The following ATP11A variants were observed in gnomAD, a reference collection of about 807,000 sequenced individuals.
ATP11A encodes ATPase phospholipid transporting 11A, also known as phospholipid-transporting ATPase IH.
A neutral mutation model predicts 154.4 loss-of-function variants in ATP11A; 81 were observed. That is an observed-to-expected ratio of 0.52 (90% CI 0.44 to 0.63). The LOEUF is 0.63. Among genes scored for constraint, ATP11A ranks in the 30% least tolerant of loss-of-function variants. The probability of loss-of-function intolerance (pLI) is 0.00; values close to 1 mark genes in which losing one functional copy is unlikely to be tolerated. For missense variants in ATP11A, 1,316 were observed against 1,474.3 expected (o/e 0.89, Z 1.76); for synonymous variants, 623 against 585.9 (o/e 1.06, Z -0.91).
At chr13:112,777,145 C>CTGCCA in intron 1 of ATP11A, among the ~76,000 whole-genome samples, 1 of 151,830 alleles carries the variant, frequency 6.6e-6, no homozygotes, top group African/African-American at 2.4e-5. Flanking sequence ...GAAAGCCACA[C>CTGCCA]TGCCAGGCAC....
Position 112,859,557 on chromosome 13 carries a change from C to T in ATP11A, c.2727+105C>T, listed in dbSNP as rs953022125. On this transcript the variant is annotated intron_variant, in intron 23 of 29. Coordinates refer to ENST00000375645, the MANE Select transcript of ATP11A (RefSeq NM_015205.3). The surrounding 1 kb of genome is among the most constrained non-coding windows in gnomAD (Gnocchi z 4.3). ...AGACTTGGGAATGAGCAGCACTCCC[C>T]GGCACCACGAGGGAGCCAGGGTGCC... 3.1e-5 allele frequency: 31 copies of T among 988,840 alleles called. No individual in the cohort carries two copies. The highest frequency in any genetic ancestry group is 1.1e-4 in the African/African-American group (7 of 62,078). 61.3% of individuals were successfully genotyped at this position (988,840 alleles called of 1,614,324 possible).
In ATP11A at chr13:112,766,154, C is replaced by T. The variant is rs146135445; in HGVS notation, c.40-18981C>T. The stretch of plus-strand genomic sequence containing the variant: ...TGTGCCCACCTGCTTGAGGAAGGAA[C>T]GGTGGTGGAGACGGACTTCTTATTC... On this transcript the variant is annotated intron_variant, in intron 1 of 29. Transcript: ENST00000375645. Among the ~76,000 whole-genome samples the T allele has an allele frequency of 2.2e-3, 339 of 152,134 alleles. 1 individual carries two copies. Among genetic ancestry groups the T allele is most frequent in the African/African-American group, 7.3e-3 (303 of 41,496 alleles).
chr13:112,882,414 C>T lies in ATP11A; in HGVS notation c.*548C>T. 2 of 423,658 alleles carry T rather than the reference C, an allele frequency of 4.7e-6. No homozygotes were observed. Among genetic ancestry groups the T allele is most frequent in the Non-Finnish European group, 8.7e-6 (2 of 230,824 alleles). 26.2% of individuals were successfully genotyped at this position (423,658 alleles called of 1,614,324 possible). A position where few individuals can be genotyped will look rare whatever the true frequency, so the allele number is the denominator to read the frequency against. On this transcript the variant is annotated 3_prime_UTR_variant, in exon 30 of 30. Transcript: ENST00000375645. This position sits in a 1 kb window ranked among gnomAD's most constrained non-coding sequence, Gnocchi z 5.1. ...CTGCTGTTTCCTGCTTGCCCGGCCA[C>T]CACCCATGCCCTCCATAGGGTGAGG...
rs368005104 is a variant in ATP11A at position 112,864,666 on chromosome 13, C to T, written c.2991+2091C>T. 3.3e-5 allele frequency among the ~76,000 whole-genome samples: 2 copies of T among 60,946 alleles called. 1 individual carries two copies. The highest frequency in any genetic ancestry group is 5.2e-5 in the Non-Finnish European group (2 of 38,354). 40.0% of individuals were successfully genotyped at this position (60,946 alleles called of 152,430 possible). On this transcript the variant is annotated intron_variant, in intron 25 of 29. Coordinates refer to ENST00000375645, the MANE Select transcript of ATP11A (RefSeq NM_015205.3). ...TCACCACATGGGCAGTAATTCAGTG[C>T]GGCCCATGCAGCTTCCCAGCGGGGT...
intron 27 of ATP11A, among the ~76,000 whole-genome samples, chr13:112,874,630 ACCTG>A (rs1345313808): frequency 1.3e-4 from 20 of 151,916 alleles, no homozygotes; most frequent in Non-Finnish European, 2.8e-4. Flanking sequence ...AGGGCCCCTG[ACCTG>A]GGCGGGACTC....
At chr13:112,823,093 G>A (rs1040195596) in intron 8 of ATP11A, among the ~76,000 whole-genome samples, 7 of 152,196 alleles carry the variant, frequency 4.6e-5, no homozygotes, top group African/African-American at 1.4e-4. Context: ...CTGAGGTCCC[G>A]CATGCGCCAA....
At chr13:112,846,559 G>A (rs1358631596) in intron 17 of ATP11A, among the ~76,000 whole-genome samples, 2 of 152,140 alleles carry the variant, frequency 1.3e-5, no homozygotes, top group Admixed American at 6.5e-5. Flanking sequence ...CTAACGGATG[G>A]GACGTGTGTG....
Position 112,854,519 on chromosome 13 carries a change from C to A in ATP11A, c.2232C>A (p.Asp744Glu). ...GCCACAGCGGGAGCCTGACCAGAGA[C>A]AACCTGTCCGGGTAGGCAGCGCGTC... The part of the protein sequence containing the change: ...VLRHSGSLTR[D>E]NLSGLSADMQ... Residue 744 changes from aspartate (D) to glutamate (E), a missense_variant, in exon 19 of 30, where the codon GAC becomes GAA. By Grantham distance (45) the Asp-to-Glu change is conservative. Around this residue, in one of 5 missense-constraint regions of ATP11A, gnomAD observed 876 missense variants for 1,006.8 expected, o/e 0.87. Coordinates refer to ENST00000375645, the MANE Select transcript of ATP11A (RefSeq NM_015205.3). 3.7e-6 allele frequency: 6 copies of A among 1,610,152 alleles called. No homozygotes were observed. The highest frequency in any genetic ancestry group is 4.2e-6 in the Non-Finnish European group (5 of 1,179,638).
intron 1 of ATP11A, among the ~76,000 whole-genome samples, chr13:112,707,875 G>T (rs1325085298): frequency 6.6e-6 from 1 of 152,128 alleles, no homozygotes; most frequent in Non-Finnish European, 1.5e-5. Flanking sequence ...CTGTCTGGTG[G>T]CCTGTGCCGG....
chr13:112,827,433 T>C (rs1464516421), intron 12 of ATP11A, among the ~76,000 whole-genome samples: 1 of 152,192 alleles, frequency 6.6e-6, no homozygotes, highest in East Asian at 1.9e-4. Context: ...GGTTGCAGAT[T>C]AAATGAGATA....
At position 112,746,927 on chromosome 13, in the gene ATP11A, GTTCT is replaced by G. The variant is rs1892232220; in HGVS notation, c.40-38205_40-38202del. On this transcript the variant is annotated intron_variant, in intron 1 of 29. Coordinates refer to ENST00000375645, the MANE Select transcript of ATP11A (RefSeq NM_015205.3). This position sits in a 1 kb window ranked among gnomAD's most constrained non-coding sequence, Gnocchi z 4.1. ...CTTCTTGCTACAAATGTCTATTGAG[GTTCT>G]TTGCCTATTTTAAAATCGGGTAATT... 6.6e-6 allele frequency: 1 copy of G among 151,448 alleles called. No individual in the cohort carries two copies. The highest frequency in any genetic ancestry group is 1.5e-5 in the Non-Finnish European group (1 of 67,924). 9.4% of individuals were successfully genotyped at this position (151,448 alleles called of 1,614,324 possible). A position where few individuals can be genotyped will look rare whatever the true frequency, so the allele number is the denominator to read the frequency against.
chr13:112,818,529 C>T (rs998714413), intron 6 of ATP11A, among the ~76,000 whole-genome samples: 1 of 152,224 alleles, frequency 6.6e-6, no homozygotes, highest in African/African-American at 2.4e-5. Flanking sequence ...GTTGCCTCTT[C>T]GCAGATCCCT....
intron 1 of ATP11A, among the ~76,000 whole-genome samples, chr13:112,784,223 A>G (rs2140022849): frequency 6.6e-6 from 1 of 152,264 alleles, no homozygotes; most frequent in Admixed American, 6.5e-5. Flanking sequence ...TTTCTAGGAG[A>G]AGGATGTAAC....
At chr13:112,873,551 G>C in intron 26 of ATP11A, 22 bp from the exon 27 acceptor site, 1 of 1,559,264 alleles carries the variant, frequency 6.4e-7, no homozygotes. Context: ...ACCGTTAACT[G>C]CCCTTTTTTT....
rs960088826 is a variant in ATP11A, at chr13:112,838,302, G to A, written c.1705+2051G>A. Among the ~76,000 whole-genome samples the A allele has an allele frequency of 3.9e-5, 6 of 152,198 alleles. No individual in the cohort carries two copies. Among genetic ancestry groups the A allele is most frequent in the African/African-American group, 7.2e-5 (3 of 41,454 alleles). ...GGAAGTTCCTGGTCCATCCCGTCAC[G>A]TGGTTTTCCCCGTAGCAGTCGAATC... On this transcript the variant is annotated intron_variant, in intron 16 of 29. Transcript: ENST00000375645. The surrounding 1 kb of genome is among the most constrained non-coding windows in gnomAD (Gnocchi z 7.3).
At chr13:112,726,922 C>T (rs204916) in intron 1 of ATP11A, among the ~76,000 whole-genome samples, 129,057 of 152,238 alleles carry the variant, frequency 0.85, 54,965 homozygotes, top group Middle Eastern at 0.97. Flanking sequence ...AAAAATCTCA[C>T]AGAAAACTGG....
intron 1 of ATP11A, among the ~76,000 whole-genome samples, chr13:112,761,374 A>G (rs1009567884): frequency 1.3e-5 from 2 of 152,208 alleles, no homozygotes; most frequent in Non-Finnish European, 2.9e-5. Context: ...CTCCAGTCAG[A>G]TGGAATCTTC....
At chr13:112,806,891 C>T (rs989086534) in intron 4 of ATP11A, among the ~76,000 whole-genome samples, 1 of 152,154 alleles carries the variant, frequency 6.6e-6, no homozygotes, top group African/African-American at 2.4e-5. Flanking sequence ...GGCTCATAGG[C>T]GGTGTTTTGT....
chr13:112,882,222 G>C lies in ATP11A; in HGVS notation c.*356G>C, dbSNP rs987779613. 2.2e-5 allele frequency: 21 copies of C among 947,666 alleles called. No individual in the cohort carries two copies. In the Admixed American group the frequency reaches 3.2e-4, roughly 14 times the overall value. 58.7% of individuals were successfully genotyped at this position (947,666 alleles called of 1,614,324 possible). A position where few individuals can be genotyped will look rare whatever the true frequency, so the allele number is the denominator to read the frequency against. ...CCACACCAGTGGCCTCTGGGCATTC[G>C]GCTCAACGCAGGAGGGACATTCTGC... On this transcript the variant is annotated 3_prime_UTR_variant, in exon 30 of 30. Coordinates refer to ENST00000375645, the MANE Select transcript of ATP11A (RefSeq NM_015205.3). This position sits in a 1 kb window ranked among gnomAD's most constrained non-coding sequence, Gnocchi z 5.1.
Sources: gnomAD v4.1 joint callset for allele counts (sites outside exome capture counted in the v4.1 genomes callset) on GRCh38, gnomAD v4.1.1 for gene constraint, gnomAD v4.1.1 regional missense constraint, Gnocchi (gnomAD v3.1) non-coding constraint, MANE v1.5 for transcripts, NCBI Gene and HGNC (gene_info 2026-07-23, HGNC 2026-07-21) for gene names.